The following ADAMTS13 variants were observed in gnomAD, a reference collection of about 807,000 sequenced individuals.
ADAMTS13 encodes the protein A disintegrin and metalloproteinase with thrombospondin motifs 13.
ADAMTS13 carries 110 observed loss-of-function variants against 155.1 expected under a neutral mutation model. The ratio of observed to expected loss-of-function variants is 0.71; its 90% confidence interval spans 0.61 to 0.83. ADAMTS13 has a LOEUF of 0.83. Ranked by LOEUF, ADAMTS13 falls within the 40% of genes least tolerant of loss-of-function variation. ADAMTS13 has a pLI of 0.00. For synonymous variants in ADAMTS13, 758 were observed against 756.4 expected (o/e 1.00, Z -0.03); for missense variants, 1,707 against 1,891.7 (o/e 0.90, Z 1.81).
At chr9:133,429,391 C>T (rs1167551590) in intron 7 of ADAMTS13, among the ~76,000 whole-genome samples, 1 of 144,472 alleles carries the variant, frequency 6.9e-6, no homozygotes, top group Non-Finnish European at 1.5e-5. Flanking sequence ...CTTGACTCCA[C>T]ATACACTCCC....
chr9:133,455,379 A>G lies in ADAMTS13; in HGVS notation c.3344A>G (p.His1115Arg), dbSNP rs1554795455. 6.2e-7 allele frequency: 1 copy of G among 1,612,486 alleles called. No homozygotes were observed. ...QAPVPADFCQHLPKPVTVRGC... is the reference protein window; with the variant it reads ...QAPVPADFCQRLPKPVTVRGC... Reference sequence around the variant, plus strand: ...CCTGTGCCAGCTGATTTCTGCCAGCACTTGCCCAAGCCGGTGACTGTGCGT... The same window carrying G: ...CCTGTGCCAGCTGATTTCTGCCAGCGCTTGCCCAAGCCGGTGACTGTGCGT... The change falls in exon 25 of 29, where the codon CAC becomes CGC. Residue 1115 changes from histidine (H) to arginine (R), a missense_variant. Around this residue, in one of 3 missense-constraint regions of ADAMTS13, gnomAD observed 961 missense variants for 1,107.9 expected, o/e 0.87. Transcript: ENST00000355699.
chr9:133,459,235 T>C lies in ADAMTS13; in HGVS notation c.*55T>C. 1.3e-6 allele frequency: 2 copies of C among 1,509,214 alleles called. No homozygotes were observed. Among genetic ancestry groups the C allele is most frequent in the Admixed American group, 3.8e-5 (2 of 52,234 alleles). The allele number at this position is 1,509,214 out of a possible 1,614,324, so 93.5% of individuals were successfully genotyped here. On this transcript the variant is annotated 3_prime_UTR_variant, in exon 29 of 29. Coordinates refer to ENST00000355699, the MANE Select transcript of ADAMTS13 (RefSeq NM_139027.6). ...CCAGCCCTGGAGGGTTGACCCCTGGTCTCAGTGCTTTCCAATTCGAACTTT... is the reference window on the plus strand; with the variant it reads ...CCAGCCCTGGAGGGTTGACCCCTGGCCTCAGTGCTTTCCAATTCGAACTTT...
At position 133,445,847 on chromosome 9, in the gene ADAMTS13, ACCAGC is replaced by A. The variant is rs1554792462; in HGVS notation, c.2731+29_2731+33del. 6.5e-7 allele frequency: 1 copy of A among 1,546,144 alleles called. No individual in the cohort carries two copies. The highest frequency in any genetic ancestry group is 1.4e-5 in the African/African-American group (1 of 73,190). ...GAGGGCCCCCGGGATGCTCCTGGGG[ACCAGC>A]ACTCATGGTAACTCTCCTGTCCACT... On this transcript the variant is annotated intron_variant, in intron 21 of 28. Coordinates refer to ENST00000355699, the MANE Select transcript of ADAMTS13 (RefSeq NM_139027.6). The surrounding 1 kb of genome is among the most constrained non-coding windows in gnomAD (Gnocchi z 5.0).
chr9:133,422,161 G>A, upstream of ADAMTS13: 3 of 536,800 alleles, frequency 5.6e-6, no homozygotes, highest in Non-Finnish European at 1.0e-5. Context: ...CCTCTAAGGG[G>A]GTGGGCGTGC....
At chr9:133,417,280 G>A (rs370417632), upstream of ADAMTS13, among the ~76,000 whole-genome samples, 45 of 152,368 alleles carry the variant, frequency 3.0e-4, 1 homozygote, top group African/African-American at 9.1e-4. Context: ...GCCTCCCAAA[G>A]TGCTGGGATC....
At chr9:133,429,517 C>T (rs1840568095) in intron 7 of ADAMTS13, among the ~76,000 whole-genome samples, 1 of 113,984 alleles carries the variant, frequency 8.8e-6, no homozygotes, top group African/African-American at 3.6e-5. Context: ...CCTGCACCCA[C>T]CCCCTCACTT....
At chr9:133,421,265 CA>C (rs1839943341), upstream of ADAMTS13, among the ~76,000 whole-genome samples, 1 of 152,134 alleles carries the variant, frequency 6.6e-6, no homozygotes, top group South Asian at 2.1e-4. Flanking sequence ...GACTCTGTCT[CA>C]AAAAACAAAC....
At chr9:133,444,089 G>A (rs1294765288) in intron 19 of ADAMTS13, among the ~76,000 whole-genome samples, 2 of 152,240 alleles carry the variant, frequency 1.3e-5, no homozygotes, top group African/African-American at 4.8e-5. Context: ...TCCTTTCCCC[G>A]CCTCGTCATC....
Position 133,456,686 on chromosome 9 carries a change from G to A in ADAMTS13, c.3691G>A (p.Gly1231Arg), listed in dbSNP as rs1200123961. 1.3e-6 allele frequency: 2 copies of A among 1,584,742 alleles called. No individual in the cohort carries two copies. Among genetic ancestry groups the A allele is most frequent in the Non-Finnish European group, 1.7e-6 (2 of 1,164,904 alleles). Residue 1231 changes from glycine (G) to arginine (R), a missense_variant, in exon 27 of 29, where the codon GGG becomes AGG. Gly to Arg is a moderately radical substitution (Grantham distance 125). This residue lies in a region of ADAMTS13 where 961 missense variants were observed against 1,107.9 expected (regional missense o/e 0.87). Transcript: ENST00000355699. This position sits in a 1 kb window ranked among gnomAD's most constrained non-coding sequence, Gnocchi z 4.4. Reference protein sequence around the residue: ...RPGGGVLLRYGSQLAPETFYR... With the variant: ...RPGGGVLLRYRSQLAPETFYR... The stretch of plus-strand genomic sequence containing the variant: ...AGGAGGTGGGGTGCTGCTGCGGTAT[G>A]GGAGCCAGCTTGCTCCTGAAACCTT...
At chr9:133,450,780 G>A (rs1182570873) in intron 23 of ADAMTS13, among the ~76,000 whole-genome samples, 2 of 152,164 alleles carry the variant, frequency 1.3e-5, no homozygotes, top group Non-Finnish European at 2.9e-5. Context: ...AAACAAGACG[G>A]GGTGGGGGGC....
At position 133,422,482 on chromosome 9, in the gene ADAMTS13, C is replaced by G; in HGVS notation, c.39C>G (p.Leu13=). 6.2e-7 allele frequency: 1 copy of G among 1,614,126 alleles called. No homozygotes were observed. Among genetic ancestry groups the G allele is most frequent in the South Asian group, 1.1e-5 (1 of 91,090 alleles). Residue 13 remains leucine (L), a synonymous_variant, in exon 1 of 29, where the codon CTC becomes CTG. Transcript: ENST00000355699. ...ACCCCCGGGCAAGATGCCCTCCCCTCTGTGTGGCCGGAATCCTTGCCTGTG... is the reference window on the plus strand; with the variant it reads ...ACCCCCGGGCAAGATGCCCTCCCCTGTGTGTGGCCGGAATCCTTGCCTGTG... ...QRHPRARCPP[L]CVAGILACGF...
At chr9:133,458,149 G>A (rs143363798) in intron 28 of ADAMTS13, 55 bp downstream of exon 28, 19 of 1,591,158 alleles carry the variant, frequency 1.2e-5, no homozygotes, top group African/African-American at 1.3e-5. Context: ...TCCCTAGGGC[G>A]TGCAGGGCTA....
In ADAMTS13 at chr9:133,424,736, C is replaced by G. The variant is rs1382556516; in HGVS notation, c.330+258C>G. On this transcript the variant is annotated intron_variant, in intron 3 of 28. Coordinates refer to ENST00000355699, the MANE Select transcript of ADAMTS13 (RefSeq NM_139027.6). This position sits in a 1 kb window ranked among gnomAD's most constrained non-coding sequence, Gnocchi z 4.3. Reference sequence around the variant, plus strand: ...ACCTGGGGCCACCCTCAAGCCTGGCCTCTTCCCCAGTATCCATTTGACCCC... The same window carrying G: ...ACCTGGGGCCACCCTCAAGCCTGGCGTCTTCCCCAGTATCCATTTGACCCC... 6.6e-6 allele frequency among the ~76,000 whole-genome samples: 1 copy of G among 152,146 alleles called. No individual in the cohort carries two copies. The highest frequency in any genetic ancestry group is 1.5e-5 in the Non-Finnish European group (1 of 68,036).
At chr9:133,455,544 C>T (rs373910725) in intron 25 of ADAMTS13, 109 bp downstream of exon 25, 4 of 1,610,150 alleles carry the variant, frequency 2.5e-6, no homozygotes, top group East Asian at 4.5e-5. Flanking sequence ...CTGCTCTTCT[C>T]CCCGGCTCCC....
At chr9:133,452,541 C>T (rs181364741) in intron 23 of ADAMTS13, among the ~76,000 whole-genome samples, 9 of 152,264 alleles carry the variant, frequency 5.9e-5, no homozygotes, top group Non-Finnish European at 2.9e-5. Context: ...TAGAGATGAT[C>T]TGGGATTTTA....
chr9:133,417,086 C>T (rs1554781762), upstream of ADAMTS13, among the ~76,000 whole-genome samples: 1 of 152,256 alleles, frequency 6.6e-6, no homozygotes, highest in African/African-American at 2.4e-5. Flanking sequence ...TTTCGGCTTA[C>T]TACTGCCTCT....
chr9:133,428,602 C>T (rs1554785838), intron 6 of ADAMTS13, 32 bp from the exon 7 acceptor site: 3 of 1,146,474 alleles, frequency 2.6e-6, no homozygotes, highest in African/African-American at 3.3e-5. Flanking sequence ...CCCTGCCGGC[C>T]GCCTTAGCGC....
chr9:133,426,456 G>A (rs1840288608), intron 6 of ADAMTS13, 111 bp downstream of exon 6: 4 of 1,427,264 alleles, frequency 2.8e-6, no homozygotes, highest in East Asian at 2.4e-5. Context: ...CTCCAGAGGA[G>A]CCTGTACCCC....
Position 133,439,437 on chromosome 9 carries a change from A to G in ADAMTS13, c.1777A>G (p.Thr593Ala). 1 of 1,613,902 alleles carries G rather than the reference A, an allele frequency of 6.2e-7. No individual in the cohort carries two copies. The highest frequency in any genetic ancestry group is 8.5e-7 in the Non-Finnish European group (1 of 1,179,810). The change falls in exon 15 of 29, where the codon ACA becomes GCA. Residue 593 changes from threonine to alanine, a missense_variant. Thr to Ala is a moderately conservative substitution (Grantham distance 58). Coordinates refer to ENST00000355699, the MANE Select transcript of ADAMTS13 (RefSeq NM_139027.6). ...VYIANHRPLF[T>A]HLAVRIGGRY... ...CATTGCCAACCACAGGCCTCTCTTC[A>G]CACACTTGGGTGAGTTGACTGGAGG...
Sources: gnomAD v4.1 joint callset for allele counts (sites outside exome capture counted in the v4.1 genomes callset) on GRCh38, gnomAD v4.1.1 for gene constraint, gnomAD v4.1.1 regional missense constraint, Gnocchi (gnomAD v3.1) non-coding constraint, MANE v1.5 for transcripts, NCBI Gene and HGNC (gene_info 2026-07-23, HGNC 2026-07-21) for gene names.